Variants in DLGAP5 observed in about 807,000 individuals in gnomAD.
DLGAP5 encodes DLG associated protein 5.
DLGAP5 carries 90 observed loss-of-function variants against 99.6 expected under a neutral mutation model. That is an observed-to-expected ratio of 0.90 (90% confidence interval 0.76 to 1.08). The LOEUF is 1.08. Ranked by LOEUF, DLGAP5 falls within the 50% of genes least tolerant of loss-of-function variation. The probability of loss-of-function intolerance (pLI) is 0.00; values close to 1 mark genes in which losing one functional copy is unlikely to be tolerated. For missense variants in DLGAP5, 1,036 were observed against 983.5 expected, an observed-to-expected ratio of 1.05 and a Z score of -0.71; for synonymous variants, 311 against 321.3, an observed-to-expected ratio of 0.97 and a Z score of 0.34.
At chr14:55,168,845 T>C (rs998663883) in intron 12 of DLGAP5, among the ~76,000 whole-genome samples, 5 of 152,122 alleles carry the variant, frequency 3.3e-5, no homozygotes, top group African/African-American at 9.7e-5. Context: ...TTATAGACTA[T>C]TAAAGAGTTG....
At chr14:55,161,556 T>C (rs1479567294) in intron 13 of DLGAP5, among the ~76,000 whole-genome samples, 1 of 150,812 alleles carries the variant, frequency 6.6e-6, no homozygotes, top group African/African-American at 2.4e-5. Flanking sequence ...ATTACAGGCA[T>C]GCGCCACCTC....
chr14:55,175,279 T>C, intron 10 of DLGAP5, 67 bp downstream of exon 10: 2 of 1,485,648 alleles, frequency 1.3e-6, no homozygotes, highest in Non-Finnish European at 1.8e-6. Flanking sequence ...GTTAAAAATT[T>C]TTAGTTTTGG....
At chr14:55,154,129 C>G (rs561596407) in intron 15 of DLGAP5, among the ~76,000 whole-genome samples, 3 of 152,220 alleles carry the variant, frequency 2.0e-5, no homozygotes, top group South Asian at 2.1e-4. Flanking sequence ...ACTCCCCCCC[C>G]TTCAATATGC....
intron 15 of DLGAP5, 127 bp downstream of exon 15, chr14:55,154,490 A>G: frequency 1.3e-6 from 1 of 753,034 alleles, no homozygotes; most frequent in Non-Finnish European, 2.2e-6. Flanking sequence ...AGTACTGCCT[A>G]TATGTTGCAG....
In DLGAP5 at chr14:55,152,621, G is replaced by A; in HGVS notation, c.2090C>T (p.Pro697Leu). The change falls in exon 16 of 19, where the codon CCT becomes CTT. Residue 697 changes from proline (P) to leucine (L), a missense_variant. Coordinates refer to ENST00000247191, the MANE Select transcript of DLGAP5 (RefSeq NM_014750.5). The part of the protein sequence containing the change: ...SRSSIEDAQC[P>L]GLPDLIEENH... Reference sequence around the variant, plus strand: ...TTCTTCAATTAAATCTGGTAATCCAGGACACTGAGCATCTTCTATGCTGCT... The same window carrying A: ...TTCTTCAATTAAATCTGGTAATCCAAGACACTGAGCATCTTCTATGCTGCT... 6.2e-7 allele frequency: 1 copy of A among 1,601,252 alleles called. No individual in the cohort carries two copies. The highest frequency in any genetic ancestry group is 8.5e-7 in the Non-Finnish European group (1 of 1,174,824).
At chr14:55,184,378 T>C (rs78063816) in intron 2 of DLGAP5, among the ~76,000 whole-genome samples, 1,574 of 152,334 alleles carry the variant, frequency 0.01, 27 homozygotes, top group African/African-American at 0.036. Context: ...TTAAAATTTG[T>C]ATTCATTTTG....
chr14:55,173,051 A>AG (rs962030907), intron 10 of DLGAP5, among the ~76,000 whole-genome samples: 5 of 151,260 alleles, frequency 3.3e-5, no homozygotes, highest in Non-Finnish European at 7.4e-5. Flanking sequence ...CTAGTTAGGT[A>AG]GATTGCTTAA....
Position 55,188,963 on chromosome 14 carries a change from C to G in DLGAP5, c.217G>C (p.Glu73Gln). The change falls in exon 2 of 19, where the codon GAA (glutamate) becomes CAA (glutamine). Residue 73 changes from glutamate (E) to glutamine (Q), a missense_variant. Physicochemically the swap from Glu to Gln is conservative, Grantham distance 29 (BLOSUM62 2). Transcript: ENST00000247191. ...LDETSQGLVP[E>Q]KTNVKPRAMK... ...TTACTTGGCTTAACATTGGTCTTTTCTGGAACAAGCCCTTGAGATGTCTCA... is the reference window on the plus strand; with the variant it reads ...TTACTTGGCTTAACATTGGTCTTTTGTGGAACAAGCCCTTGAGATGTCTCA... The G allele has an allele frequency of 6.2e-7, 1 of 1,613,140 alleles. No homozygotes were observed. The highest frequency in any genetic ancestry group is 8.5e-7 in the Non-Finnish European group (1 of 1,179,802).
chr14:55,158,475 G>T, intron 14 of DLGAP5, 47 bp downstream of exon 14: 1 of 1,513,054 alleles, frequency 6.6e-7, no homozygotes, highest in Non-Finnish European at 9.1e-7. Context: ...TTTCTCTTAA[G>T]TAGTCTCAGG....
chr14:55,182,565 A>C, intron 3 of DLGAP5, 133 bp from the exon 4 acceptor site: 1 of 618,904 alleles, frequency 1.6e-6, no homozygotes, highest in Non-Finnish European at 2.6e-6. Flanking sequence ...AAAGATACTT[A>C]AATTCCTTTT....
At position 55,183,873 on chromosome 14, in the gene DLGAP5, C is replaced by A. The variant is rs1883350969; in HGVS notation, c.239-120G>T. 8 of 1,068,354 alleles carry A rather than the reference C, an allele frequency of 7.5e-6. No individual in the cohort carries two copies. The East Asian group carries it at 2.4e-4, about 32-fold the overall frequency. 66.2% of individuals were successfully genotyped at this position (1,068,354 alleles called of 1,614,324 possible). A position where few individuals can be genotyped will look rare whatever the true frequency, so the allele number is the denominator to read the frequency against. On this transcript the variant is annotated intron_variant, in intron 2 of 18. Transcript: ENST00000247191. ...ACTGCTGCTAAAAAATGCTTTCAGG[C>A]CAGGCACGGTGGCTCACGCCTGTAA...
chr14:55,180,509 A>C (rs1212745530), intron 6 of DLGAP5, 147 bp downstream of exon 6: 13 of 1,121,064 alleles, frequency 1.2e-5, no homozygotes, highest in Non-Finnish European at 1.5e-5. Context: ...ACCAGATGTC[A>C]GGGCACAGAA....
intron 6 of DLGAP5, among the ~76,000 whole-genome samples, chr14:55,180,362 A>G (rs948471916): frequency 1.3e-5 from 2 of 152,132 alleles, no homozygotes; most frequent in African/African-American, 4.8e-5. Context: ...GTGTTCTTTA[A>G]TAATATTATT....
At chr14:55,162,927 TTAAC>T (rs1419878386) in intron 13 of DLGAP5, 40 bp downstream of exon 13, 2 of 1,130,414 alleles carry the variant, frequency 1.8e-6, no homozygotes, top group Admixed American at 2.4e-5. Context: ...TAACAGTTCC[TTAAC>T]TAAAAAAAAA....
chr14:55,165,920 T>G (rs960404539), intron 12 of DLGAP5, among the ~76,000 whole-genome samples: 1 of 152,170 alleles, frequency 6.6e-6, no homozygotes, highest in Non-Finnish European at 1.5e-5. Flanking sequence ...TTAGTGAGGA[T>G]GTCGAAAAAC....
intron 12 of DLGAP5, among the ~76,000 whole-genome samples, chr14:55,168,080 C>A (rs1272654082): frequency 6.6e-6 from 1 of 152,108 alleles, no homozygotes; most frequent in African/African-American, 2.4e-5. Context: ...TCTCTTCTGT[C>A]TTACAGCTTG....
chr14:55,159,151 A>G (rs1044819718), intron 13 of DLGAP5, among the ~76,000 whole-genome samples: 1 of 152,152 alleles, frequency 6.6e-6, no homozygotes, highest in Non-Finnish European at 1.5e-5. Flanking sequence ...AGGCATCAGG[A>G]AAGGTTGTAG....
At chr14:55,178,153 G>A (rs987559940) in intron 7 of DLGAP5, among the ~76,000 whole-genome samples, 5 of 151,974 alleles carry the variant, frequency 3.3e-5, no homozygotes, top group African/African-American at 1.2e-4. Context: ...TTGGGAGGCT[G>A]AGGCAGGAGA....
chr14:55,166,114 T>C (rs1243009169), intron 12 of DLGAP5, among the ~76,000 whole-genome samples: 1 of 152,198 alleles, frequency 6.6e-6, no homozygotes, highest in Admixed American at 6.5e-5. Flanking sequence ...TATTCACAGG[T>C]TATTCATAAT....
Sources: allele counts gnomAD v4.1 joint callset (sites outside exome capture counted in the v4.1 genomes callset), GRCh38; gene constraint gnomAD v4.1.1; transcripts MANE v1.5; gene names NCBI Gene and HGNC (gene_info 2026-07-23, HGNC 2026-07-21).